The following GRM5 variants were observed in gnomAD, a reference collection of about 807,000 sequenced individuals.
GRM5 encodes the protein metabotropic glutamate receptor 5.
GRM5 carries 19 observed loss-of-function variants against 83.1 expected under a neutral mutation model. The ratio of observed to expected loss-of-function variants is 0.23; its 90% CI spans 0.16 to 0.34. The LOEUF is 0.34. Among genes scored for constraint, GRM5 ranks in the 10% least tolerant of loss-of-function variants. The pLI is 1.00. For missense variants in GRM5, 1,160 were observed against 1,588.3 expected (o/e 0.73, Z 4.58); for synonymous variants, 675 against 633.6 (o/e 1.07, Z -0.98).
At chr11:88,899,757 T>A (rs1419267403) in intron 2 of GRM5, among the ~76,000 whole-genome samples, 1 of 152,228 alleles carries the variant, frequency 6.6e-6, no homozygotes, top group East Asian at 1.9e-4. Flanking sequence ...CAGCTTTACA[T>A]CTTTTAAGAA....
chr11:88,837,430 A>C (rs1944112021), intron 3 of GRM5, among the ~76,000 whole-genome samples: 1 of 152,258 alleles, frequency 6.6e-6, no homozygotes, highest in Non-Finnish European at 1.5e-5. Flanking sequence ...AAAAGTCAAT[A>C]AATTAATACA....
At chr11:88,640,368 G>C (rs1302781653) in intron 4 of GRM5, among the ~76,000 whole-genome samples, 5 of 152,138 alleles carry the variant, frequency 3.3e-5, no homozygotes, top group Admixed American at 2.0e-4. Flanking sequence ...AGTTCTGAGA[G>C]TAAAAACTTG....
At chr11:88,863,233 C>A (rs866806770) in intron 2 of GRM5, among the ~76,000 whole-genome samples, 1 of 152,052 alleles carries the variant, frequency 6.6e-6, no homozygotes, top group African/African-American at 2.4e-5. Flanking sequence ...GTCGAAATGT[C>A]ATTTGACCCA....
intron 3 of GRM5, among the ~76,000 whole-genome samples, chr11:88,659,760 A>G (rs1012726345): frequency 6.6e-6 from 1 of 152,224 alleles, no homozygotes; most frequent in Admixed American, 6.5e-5. Flanking sequence ...ATATATAAAA[A>G]TAAATCTTAG....
At chr11:88,692,159 A>C (rs1042062446) in intron 3 of GRM5, among the ~76,000 whole-genome samples, 2 of 152,214 alleles carry the variant, frequency 1.3e-5, no homozygotes, top group Non-Finnish European at 2.9e-5. Flanking sequence ...CAGGATAGTT[A>C]GAACCTCTCT....
chr11:88,956,122 T>C (rs1342473091), intron 2 of GRM5, among the ~76,000 whole-genome samples: 2 of 152,216 alleles, frequency 1.3e-5, no homozygotes, highest in African/African-American at 4.8e-5. Context: ...AATCTGAAAG[T>C]GCAAAGCTTA....
At chr11:88,687,572 T>TA (rs1554994020) in intron 3 of GRM5, among the ~76,000 whole-genome samples, 1 of 30,374 alleles carries the variant, frequency 3.3e-5, no homozygotes, top group Non-Finnish European at 6.2e-5. Flanking sequence ...TATATATATA[T>TA]ATATATAATA....
At chr11:88,827,879 T>A (rs1042147312) in intron 3 of GRM5, among the ~76,000 whole-genome samples, 14 of 152,174 alleles carry the variant, frequency 9.2e-5, no homozygotes, top group African/African-American at 3.1e-4. Flanking sequence ...ATGTGCTACA[T>A]GTTATAAGGC....
rs140039259 is a variant in GRM5, at chr11:88,768,741, G to T, written c.911+81165C>A. Among the ~76,000 whole-genome samples the T allele has an allele frequency of 1.4e-4, 21 of 151,998 alleles. No individual in the cohort carries two copies. The East Asian group carries it at 3.9e-3, about 28-fold the overall frequency. On this transcript the variant is annotated intron_variant, in intron 3 of 9. Coordinates refer to ENST00000305447, the MANE Select transcript of GRM5 (RefSeq NM_001143831.3). ...GAGAGAGATGGGATGACAGAAGTTG[G>T]CATGATGTGAAGAAAAGGCCACGTG...
intron 3 of GRM5, among the ~76,000 whole-genome samples, chr11:88,733,718 CTTCT>C (rs1941853540): frequency 6.6e-6 from 1 of 152,018 alleles, no homozygotes; most frequent in African/African-American, 2.4e-5. Context: ...ATTTTCTCTG[CTTCT>C]TTATGTTATA....
chr11:88,545,965 T>A (rs1942378755), intron 8 of GRM5, among the ~76,000 whole-genome samples: 1 of 152,138 alleles, frequency 6.6e-6, no homozygotes, highest in Admixed American at 6.5e-5. Context: ...ATTTTTCTGT[T>A]GTCATTCTCT....
At chr11:88,901,882 C>A (rs1235848136) in intron 2 of GRM5, among the ~76,000 whole-genome samples, 2 of 152,096 alleles carry the variant, frequency 1.3e-5, no homozygotes, top group East Asian at 3.9e-4. Context: ...AATGCTTCAA[C>A]TTTGTTTTCC....
At chr11:88,960,089 C>A (rs1938737786) in intron 2 of GRM5, among the ~76,000 whole-genome samples, 1 of 152,134 alleles carries the variant, frequency 6.6e-6, no homozygotes, top group African/African-American at 2.4e-5. Context: ...TGGAAAGGAT[C>A]TGAGGCAGAC....
At chr11:89,036,438 G>GT (rs1941387947) in intron 2 of GRM5, among the ~76,000 whole-genome samples, 1 of 151,966 alleles carries the variant, frequency 6.6e-6, no homozygotes, top group African/African-American at 2.4e-5. Context: ...ATCATTTATG[G>GT]TTTTTTTCTT....
chr11:88,550,664 G>A (rs894684206), intron 8 of GRM5, among the ~76,000 whole-genome samples: 1 of 151,880 alleles, frequency 6.6e-6, no homozygotes, highest in African/African-American at 2.4e-5. Flanking sequence ...GGAGTGGGGG[G>A]GATAAAAAAA....
intron 3 of GRM5, among the ~76,000 whole-genome samples, chr11:88,698,832 A>T (rs1239160121): frequency 1.3e-5 from 2 of 152,204 alleles, no homozygotes; most frequent in Non-Finnish European, 2.9e-5. Flanking sequence ...TGAATGAATG[A>T]AAAAATGGTC....
chr11:88,825,344 A>G (rs1326840937), intron 3 of GRM5, among the ~76,000 whole-genome samples: 2 of 151,832 alleles, frequency 1.3e-5, no homozygotes, highest in African/African-American at 2.4e-5. Context: ...CAGTTTTGCT[A>G]TTTCATCCAT....
intron 3 of GRM5, among the ~76,000 whole-genome samples, chr11:88,742,185 T>C (rs1038392233): frequency 1.3e-5 from 2 of 152,110 alleles, no homozygotes; most frequent in Non-Finnish European, 2.9e-5. Flanking sequence ...TGTAGTTCAA[T>C]CTCTGATCAT....
At position 88,507,965 on chromosome 11, in the gene GRM5, CGTAGTACATTAGCG is replaced by C. The variant is rs1487844014; in HGVS notation, c.*613_*626del. 6.6e-6 allele frequency: 1 copy of C among 152,454 alleles called. No individual in the cohort carries two copies. The highest frequency in any genetic ancestry group is 1.5e-5 in the Non-Finnish European group (1 of 68,038). The allele number at this position is 152,454 out of a possible 1,614,324, so 9.4% of individuals were successfully genotyped here. On this transcript the variant is annotated 3_prime_UTR_variant, in exon 10 of 10. Transcript: ENST00000305447. ...AGGAAAATCTCTGGTAGAAGCCCTA[CGTAGTACATTAGCG>C]CAGCACTCACTATCCAGTAGTGTGT...
Sources: gnomAD v4.1 joint callset for allele counts (sites outside exome capture counted in the v4.1 genomes callset) on GRCh38, gnomAD v4.1.1 for gene constraint, MANE v1.5 for transcripts, NCBI Gene and HGNC (gene_info 2026-07-23, HGNC 2026-07-21) for gene names.